Variants in LRP1B observed in about 807,000 individuals in gnomAD.
LRP1B encodes LDL receptor related protein 1B, also known as low-density lipoprotein receptor-related protein 1B.
A neutral mutation model predicts 556.6 loss-of-function variants in LRP1B; 217 were observed. That is an observed-to-expected ratio of 0.39 (90% CI 0.35 to 0.44). LRP1B has a LOEUF of 0.44. Ranked by LOEUF, LRP1B falls within the 20% of genes least tolerant of loss-of-function variation. The pLI is 1.00. For missense variants in LRP1B, 5,053 were observed against 5,620.8 expected (o/e 0.90, Z 3.23); for synonymous variants, 2,047 against 1,865.8 (o/e 1.10, Z -2.50).
chr2:140,916,018 ACT>A (rs1381766411), intron 21 of LRP1B, among the ~76,000 whole-genome samples: 1 of 151,954 alleles, frequency 6.6e-6, no homozygotes, highest in Non-Finnish European at 1.5e-5. Context: ...ACAGAGCGAG[ACT>A]CTGTCTCAAG....
intron 2 of LRP1B, among the ~76,000 whole-genome samples, chr2:141,674,359 T>C (rs1022607663): frequency 3.3e-5 from 5 of 152,072 alleles, no homozygotes; most frequent in African/African-American, 1.2e-4. Context: ...TCTTCACCCA[T>C]TGCATATGTG....
intron 1 of LRP1B, among the ~76,000 whole-genome samples, chr2:141,824,642 C>T (rs1341583590): frequency 6.6e-6 from 1 of 152,194 alleles, no homozygotes; most frequent in Non-Finnish European, 1.5e-5. Flanking sequence ...CGTGAGCCAC[C>T]GCGTCCGGCA....
chr2:142,088,434 A>G (rs536490800), intron 1 of LRP1B, among the ~76,000 whole-genome samples: 1 of 152,322 alleles, frequency 6.6e-6, no homozygotes, highest in East Asian at 1.9e-4. Flanking sequence ...TATGATTAAT[A>G]TAAGCCATAG....
intron 21 of LRP1B, among the ~76,000 whole-genome samples, chr2:140,920,382 A>T (rs888068471): frequency 3.3e-5 from 5 of 152,228 alleles, no homozygotes; most frequent in African/African-American, 1.2e-4. Flanking sequence ...CAATTTATGT[A>T]TAAGAAAGCT....
In LRP1B at chr2:140,373,032, C is replaced by T. The variant is rs1683060986; in HGVS notation, c.10744G>A (p.Glu3582Lys). Residue 3582 changes from glutamate to lysine, a missense_variant, in exon 69 of 91, where the codon GAA (glutamate) becomes AAA (lysine). Physicochemically the swap from Glu to Lys is moderately conservative, Grantham distance 56. Coordinates refer to ENST00000389484, the MANE Select transcript of LRP1B (RefSeq NM_018557.3). ...CCTGGCTCACAGCTTTTCTCATCTT[C>T]CCCATATTTGCAGTCTTCATGGCCA... is the stretch of plus-strand genomic sequence containing the variant. The part of the protein sequence containing the change: ...CDGHEDCKYG[E>K]DEKSCEPASP... 1.9e-6 allele frequency: 3 copies of T among 1,613,330 alleles called. No individual in the cohort carries two copies. The highest frequency in any genetic ancestry group is 2.5e-6 in the Non-Finnish European group (3 of 1,179,646).
chr2:140,609,103 T>C (rs990489202), intron 41 of LRP1B, among the ~76,000 whole-genome samples: 2 of 152,158 alleles, frequency 1.3e-5, no homozygotes, highest in African/African-American at 4.8e-5. Flanking sequence ...TAAACTAACA[T>C]TGGCATGTCC....
chr2:141,159,674 T>C (rs1425223922), intron 7 of LRP1B, among the ~76,000 whole-genome samples: 1 of 152,184 alleles, frequency 6.6e-6, no homozygotes, highest in Non-Finnish European at 1.5e-5. Flanking sequence ...GCTTAAAAAG[T>C]ACAAGTTCTT....
Position 141,854,776 on chromosome 2 carries a change from T to C in LRP1B, c.83-44375A>G, listed in dbSNP as rs114481747. ...AATAATAAACATTACTAATGTAAACTCATTTTCTTCTATAGAACAGTTTTT... is the reference window on the plus strand; with the variant it reads ...AATAATAAACATTACTAATGTAAACCCATTTTCTTCTATAGAACAGTTTTT... On this transcript the variant is annotated intron_variant, in intron 1 of 90. Coordinates refer to ENST00000389484, the MANE Select transcript of LRP1B (RefSeq NM_018557.3). Among the ~76,000 whole-genome samples, 1,189 of 152,200 alleles carry C rather than the reference T, an allele frequency of 7.8e-3. 21 individuals are homozygous for C. The highest frequency in any genetic ancestry group is 0.027 in the African/African-American group (1,129 of 41,548).
chr2:141,590,981 G>T (rs753258837), intron 2 of LRP1B, among the ~76,000 whole-genome samples: 52 of 151,930 alleles, frequency 3.4e-4, no homozygotes, highest in Non-Finnish European at 6.2e-4. Flanking sequence ...CTCTTTCTTT[G>T]CCTCCTTGGC....
chr2:140,959,149 C>T (rs1262328978), intron 18 of LRP1B, among the ~76,000 whole-genome samples: 4 of 150,190 alleles, frequency 2.7e-5, no homozygotes, highest in Non-Finnish European at 5.9e-5. Context: ...TATTAGTAGA[C>T]TGAGTGGAAG....
At chr2:140,695,093 G>A (rs2105407624) in intron 41 of LRP1B, among the ~76,000 whole-genome samples, 1 of 150,850 alleles carries the variant, frequency 6.6e-6, no homozygotes, top group East Asian at 2.0e-4. Flanking sequence ...GGTTTTTTAA[G>A]CTGTCTTTCT....
chr2:141,373,753 C>A (rs1689325972), intron 3 of LRP1B, among the ~76,000 whole-genome samples: 2 of 151,980 alleles, frequency 1.3e-5, no homozygotes, highest in Non-Finnish European at 2.9e-5. Flanking sequence ...TAGCATTAAA[C>A]CATTGACATA....
intron 2 of LRP1B, among the ~76,000 whole-genome samples, chr2:141,775,991 C>T (rs1337061690): frequency 6.6e-6 from 1 of 151,070 alleles, no homozygotes; most frequent in Non-Finnish European, 1.5e-5. Flanking sequence ...TACAGGTGCC[C>T]GTCATCACGC....
At chr2:141,316,913 G>C (rs1207671317) in intron 3 of LRP1B, among the ~76,000 whole-genome samples, 3 of 152,166 alleles carry the variant, frequency 2.0e-5, no homozygotes, top group Non-Finnish European at 4.4e-5. Context: ...GGGATTAGCA[G>C]TATTTGTATT....
intron 43 of LRP1B, among the ~76,000 whole-genome samples, chr2:140,597,291 C>T (rs948847165): frequency 6.6e-6 from 1 of 152,060 alleles, no homozygotes; most frequent in Non-Finnish European, 1.5e-5. Flanking sequence ...TTAGTGCTAT[C>T]TTATTACTCG....
chr2:140,941,993 A>C (rs576206922), intron 20 of LRP1B, among the ~76,000 whole-genome samples: 68 of 152,134 alleles, frequency 4.5e-4, no homozygotes, highest in Non-Finnish European at 5.4e-4. Context: ...CTGGATGGCA[A>C]GGAAACTCAA....
At chr2:140,326,262 C>T (rs111645180) in intron 79 of LRP1B, among the ~76,000 whole-genome samples, 2,542 of 152,112 alleles carry the variant, frequency 0.017, 76 homozygotes, top group African/African-American at 0.058. Flanking sequence ...AATCATTTAT[C>T]GGACCATTAT....
At chr2:140,528,451 C>T (rs555496701) in intron 47 of LRP1B, among the ~76,000 whole-genome samples, 3 of 151,250 alleles carry the variant, frequency 2.0e-5, no homozygotes, top group South Asian at 2.1e-4. Context: ...GGAAGAAGTT[C>T]GCAGGACAGA....
At chr2:142,076,655 G>A (rs904412639) in intron 1 of LRP1B, among the ~76,000 whole-genome samples, 3 of 152,044 alleles carry the variant, frequency 2.0e-5, no homozygotes, top group Non-Finnish European at 4.4e-5. Flanking sequence ...CTTTAAAGTG[G>A]AACAAGGGAA....
Sources: gnomAD v4.1 joint callset for allele counts (sites outside exome capture counted in the v4.1 genomes callset) on GRCh38, gnomAD v4.1.1 for gene constraint, MANE v1.5 for transcripts, NCBI Gene and HGNC (gene_info 2026-07-23, HGNC 2026-07-21) for gene names.